The following PCDHAC2 variants were observed in gnomAD, a reference collection of about 807,000 sequenced individuals.
The protein encoded by PCDHAC2 is protocadherin alpha-C2.
In PCDHAC2, 24 loss-of-function variants were observed where a neutral mutation model predicts 63.3. The ratio of observed to expected loss-of-function variants is 0.38; its 90% CI spans 0.27 to 0.53. The LOEUF (loss-of-function observed/expected upper bound fraction) is 0.53. Ranked by LOEUF, PCDHAC2 falls within the 20% of genes least tolerant of loss-of-function variation. The probability of loss-of-function intolerance (pLI) is 0.81; values close to 1 mark genes in which losing one functional copy is unlikely to be tolerated. For synonymous variants in PCDHAC2, 569 were observed against 529.4 expected, an observed-to-expected ratio of 1.07 and a Z score of -1.03; for missense variants, 1,181 against 1,275.2, an observed-to-expected ratio of 0.93 and a Z score of 1.12.
In PCDHAC2 at chr5:140,986,314, A is replaced by G. The variant is rs551389701; in HGVS notation, c.2713+3751A>G. On this transcript the variant is annotated intron_variant, in intron 3 of 3. Transcript: ENST00000289269. ...TGAGCAGAGAGAGAAAATTAGCTAA[A>G]TCAGGAATGCAGGGAATACAGTTGC... 9.4e-4 allele frequency among the ~76,000 whole-genome samples: 143 copies of G among 152,196 alleles called. 1 individual carries two copies. The highest frequency in any genetic ancestry group is 1.6e-3 in the Non-Finnish European group (110 of 68,030).
intron 3 of PCDHAC2, among the ~76,000 whole-genome samples, chr5:140,989,753 A>G (rs1349273749): frequency 6.6e-6 from 1 of 152,224 alleles, no homozygotes; most frequent in Admixed American, 6.5e-5. Context: ...ATCTGGAGAA[A>G]CATATTCAGT....
chr5:140,972,884 G>A (rs763416041), intron 1 of PCDHAC2, among the ~76,000 whole-genome samples: 4 of 151,972 alleles, frequency 2.6e-5, no homozygotes, highest in African/African-American at 7.3e-5. Flanking sequence ...GGATGGTCTC[G>A]ATCTCTTGAC....
chr5:141,001,229 A>G (rs1055246744), intron 3 of PCDHAC2, among the ~76,000 whole-genome samples: 41 of 152,314 alleles, frequency 2.7e-4, no homozygotes, highest in African/African-American at 9.1e-4. Flanking sequence ...AGTTACATTT[A>G]ATCTATAAAT....
chr5:141,007,393 T>C (rs1485010105), intron 3 of PCDHAC2, among the ~76,000 whole-genome samples: 2 of 23,410 alleles, frequency 8.5e-5, no homozygotes, highest in African/African-American at 2.3e-4. Context: ...TCTACTAAAA[T>C]ACAAAAAAAA....
At chr5:140,978,491 C>T (rs550205477) in intron 1 of PCDHAC2, among the ~76,000 whole-genome samples, 2 of 152,354 alleles carry the variant, frequency 1.3e-5, no homozygotes, top group African/African-American at 4.8e-5. Flanking sequence ...GCAAAGCCAG[C>T]AGCAGATTGC....
intron 1 of PCDHAC2, among the ~76,000 whole-genome samples, chr5:140,976,735 T>G (rs1412647375): frequency 1.3e-5 from 2 of 152,160 alleles, no homozygotes; most frequent in Non-Finnish European, 2.9e-5. Flanking sequence ...TTAAACACAT[T>G]TTAAAAACCT....
intron 3 of PCDHAC2, among the ~76,000 whole-genome samples, chr5:140,992,501 A>G (rs1437736734): frequency 6.6e-6 from 1 of 152,206 alleles, no homozygotes. Context: ...TAAGGATTCA[A>G]TCCTGGGGCA....
intron 3 of PCDHAC2, among the ~76,000 whole-genome samples, chr5:141,008,870 C>G (rs539100133): frequency 1.4e-4 from 22 of 152,126 alleles, no homozygotes; most frequent in Non-Finnish European, 7.3e-5. Flanking sequence ...ATGCTGCATC[C>G]CACCACCCTT....
rs143656335 is a variant in PCDHAC2, at chr5:140,968,986, A to G, written c.2220A>G (p.Ala740=). 244 of 1,614,206 alleles carry G rather than the reference A, an allele frequency of 1.5e-4. No individual in the cohort carries two copies. In the African/African-American group the frequency reaches 3.0e-3, roughly 20 times the overall value. The change falls in exon 1 of 4, where the codon GCA becomes GCG. Residue 740 remains alanine (A), a synonymous_variant. Transcript: ENST00000289269. ...ACCGCTACACTGCGTATGGCACTGC[A>G]TGCTGTGGAGGCTTCTGTGGAGTAA... ...KCYRYTAYGT[A]CCGGFCGVRE...
At chr5:141,004,564 T>C (rs1205705593) in intron 3 of PCDHAC2, among the ~76,000 whole-genome samples, 1 of 152,196 alleles carries the variant, frequency 6.6e-6, no homozygotes, top group Non-Finnish European at 1.5e-5. Flanking sequence ...AAGATGAACA[T>C]ATCTCTGTGT....
At position 140,968,812 on chromosome 5, in the gene PCDHAC2, T is replaced by C. The variant is rs782711806; in HGVS notation, c.2046T>C (p.Asp682=). 1 of 1,614,064 alleles carries C rather than the reference T, an allele frequency of 6.2e-7. No individual in the cohort carries two copies. The highest frequency in any genetic ancestry group is 8.5e-7 in the Non-Finnish European group (1 of 1,180,030). Residue 682 remains aspartate, a synonymous_variant, in exon 1 of 4, where the codon GAT becomes GAC. Transcript: ENST00000289269. The part of the protein sequence containing the change: ...ASVAITVAVV[D]RVSKILPDTQ... ...TGGCCATTACAGTAGCTGTGGTGGATAGGGTTTCCAAAATCCTCCCTGACA... is the reference window on the plus strand; with the variant it reads ...TGGCCATTACAGTAGCTGTGGTGGACAGGGTTTCCAAAATCCTCCCTGACA...
rs977964716 is a variant in PCDHAC2, at chr5:140,968,508, A to C, written c.1742A>C (p.Tyr581Ser). The change falls in exon 1 of 4, where the codon TAC (tyrosine) becomes TCC (serine). Residue 581 changes from tyrosine (Y) to serine (S), a missense_variant. Physicochemically the swap from Tyr to Ser is moderately radical, Grantham distance 144. Coordinates refer to ENST00000289269, the MANE Select transcript of PCDHAC2 (RefSeq NM_018899.6). ...AATGACCATGCCCCTCACATTCTGT[A>C]CCCTACCTCAACCAACTCGTCAGCA... is the stretch of plus-strand genomic sequence containing the variant. ...DMNDHAPHIL[Y>S]PTSTNSSAAF... The C allele has an allele frequency of 6.2e-7, 1 of 1,613,950 alleles. No homozygotes were observed. Among genetic ancestry groups the C allele is most frequent in the African/African-American group, 1.3e-5 (1 of 74,868 alleles).
intron 3 of PCDHAC2, among the ~76,000 whole-genome samples, chr5:140,993,190 CTCACTAAAGCTAATTTTTT>C (rs2097544277): frequency 6.6e-6 from 1 of 152,022 alleles, no homozygotes; most frequent in Non-Finnish European, 1.5e-5. Flanking sequence ...TAGAGGGAAA[CTCACTAAAGCTAATTTTTT>C]TAGCTTTTTG....
At chr5:140,991,984 C>T (rs1393451773) in intron 3 of PCDHAC2, among the ~76,000 whole-genome samples, 1 of 151,632 alleles carries the variant, frequency 6.6e-6, no homozygotes, top group Non-Finnish European at 1.5e-5. Context: ...TTCTGCCTAC[C>T]ACCCGGTCTT....
At chr5:140,974,637 G>A (rs1054796505) in intron 1 of PCDHAC2, among the ~76,000 whole-genome samples, 7 of 151,898 alleles carry the variant, frequency 4.6e-5, no homozygotes, top group South Asian at 2.1e-4. Context: ...TCAACCTCCC[G>A]AGTAGCTGAG....
chr5:140,992,235 G>A (rs1272038759), intron 3 of PCDHAC2, among the ~76,000 whole-genome samples: 7 of 152,154 alleles, frequency 4.6e-5, no homozygotes, highest in African/African-American at 1.7e-4. Flanking sequence ...GGAAGAGTAA[G>A]GAAGGAAGTA....
chr5:141,010,938 A>G lies in PCDHAC2; in HGVS notation c.*1001A>G, dbSNP rs1210392691. ...TCAAAAGAGAATTCAGTCTACAGCC[A>G]TTTAAATGATCATTGCTGCTACAGA... On this transcript the variant is annotated 3_prime_UTR_variant, in exon 4 of 4. Coordinates refer to ENST00000289269, the MANE Select transcript of PCDHAC2 (RefSeq NM_018899.6). 6 of 153,824 alleles carry G rather than the reference A, an allele frequency of 3.9e-5. No homozygotes were observed. Among genetic ancestry groups the G allele is most frequent in the African/African-American group, 1.4e-4 (6 of 41,470 alleles). The allele number at this position is 153,824 out of a possible 1,614,324, so 9.5% of individuals were successfully genotyped here. A position where few individuals can be genotyped will look rare whatever the true frequency, so the allele number is the denominator to read the frequency against.
intron 3 of PCDHAC2, among the ~76,000 whole-genome samples, chr5:140,991,132 TAA>T (rs1345264253): frequency 2.0e-5 from 3 of 152,230 alleles, no homozygotes; most frequent in Non-Finnish European, 4.4e-5. Flanking sequence ...ACACAGCTAG[TAA>T]AAATGTTTTT....
At chr5:141,007,535 T>C (rs1588169762) in intron 3 of PCDHAC2, among the ~76,000 whole-genome samples, 1 of 152,050 alleles carries the variant, frequency 6.6e-6, no homozygotes, top group South Asian at 2.1e-4. Context: ...GCCACTGCAC[T>C]CCAGCTTGGG....
Sources: allele counts gnomAD v4.1 joint callset (sites outside exome capture counted in the v4.1 genomes callset), GRCh38; gene constraint gnomAD v4.1.1; transcripts MANE v1.5; gene names NCBI Gene and HGNC (gene_info 2026-07-23, HGNC 2026-07-21).